SCIMP: variants seen among roughly 807,000 people sequenced by gnomAD.
SCIMP encodes the protein SLP adapter and CSK-interacting membrane protein.
In SCIMP, 18 loss-of-function variants were observed where a neutral mutation model predicts 22.0. That is an observed-to-expected ratio of 0.82 (90% CI 0.56 to 1.21). The LOEUF is 1.21. Among genes scored for constraint, SCIMP ranks in the 50% most tolerant of loss-of-function variants. SCIMP has a pLI of 0.00. For synonymous variants in SCIMP, 53 were observed against 62.2 expected, an observed-to-expected ratio of 0.85 and a Z score of 0.70; for missense variants, 155 against 171.2, an observed-to-expected ratio of 0.91 and a Z score of 0.53.
chr17:5,210,795 G>C lies in SCIMP; in HGVS notation c.*6C>G, dbSNP rs781018296. 2 of 1,602,948 alleles carry C rather than the reference G, an allele frequency of 1.2e-6. No individual in the cohort carries two copies. The highest frequency in any genetic ancestry group is 8.5e-7 in the Non-Finnish European group (1 of 1,177,328). On this transcript the variant is annotated 3_prime_UTR_variant, in exon 5 of 5. Transcript: ENST00000574081. ...TCAGTTTTGCCAAAAAGAAGAAATGGCTGTTTCAAAATGATGCTTTTTCAG... is the reference window on the plus strand; with the variant it reads ...TCAGTTTTGCCAAAAAGAAGAAATGCCTGTTTCAAAATGATGCTTTTTCAG...
rs995821204 is a variant in SCIMP at position 5,232,620 on chromosome 17, C to T, written c.21+2115G>A. Among the ~76,000 whole-genome samples the T allele has an allele frequency of 2.6e-5, 4 of 152,124 alleles. No individual in the cohort carries two copies. The East Asian group carries it at 7.7e-4, about 29-fold the overall frequency. On this transcript the variant is annotated intron_variant, in intron 1 of 4. Transcript: ENST00000574081. ...GAGAGGCTGTAGAGAACATTTAGGC[C>T]GGTTGGCATGAGCAGTTCTTGCCCC... is the stretch of plus-strand genomic sequence containing the variant.
chr17:5,228,779 A>G (rs1264235473), intron 1 of SCIMP, among the ~76,000 whole-genome samples: 4 of 152,318 alleles, frequency 2.6e-5, no homozygotes, highest in South Asian at 2.1e-4. Flanking sequence ...GGCAAGCAGC[A>G]TAAGAGCAGA....
At position 5,214,944 on chromosome 17, in the gene SCIMP, C is replaced by G; in HGVS notation, c.264G>C (p.Trp88Cys). The G allele has an allele frequency of 6.2e-7, 1 of 1,605,892 alleles. No individual in the cohort carries two copies. The highest frequency in any genetic ancestry group is 8.5e-7 in the Non-Finnish European group (1 of 1,173,028). The change falls in exon 4 of 5, where the codon TGG (tryptophan) becomes TGC (cysteine). Residue 88 changes from tryptophan (W) to cysteine (C), a missense_variant. Trp to Cys is a radical substitution (Grantham distance 215, BLOSUM62 -2). Transcript: ENST00000574081. ...VQLPPLPPRN[W>C]PSLEDSSPQE... is the part of the protein sequence containing the mutation. ...ACTTACAAGAGTCTTCTAGAGAAGG[C>G]CAATTCCTCGGTGGCAGAGGCGGTA...
At chr17:5,217,906 A>G (rs2074577478) in intron 3 of SCIMP, among the ~76,000 whole-genome samples, 1 of 152,104 alleles carries the variant, frequency 6.6e-6, no homozygotes, top group South Asian at 2.1e-4. Context: ...AGCATGATTT[A>G]TAGTCCTTTG....
chr17:5,221,057 C>CAA (rs137985713), intron 3 of SCIMP: 7,479 of 522,284 alleles, frequency 0.014, 31 homozygotes, highest in African/African-American at 0.034. Context: ...GACTCCATCT[C>CAA]AAAAAAAAAA....
intron 3 of SCIMP, among the ~76,000 whole-genome samples, chr17:5,217,244 G>C (rs1165622237): frequency 6.6e-6 from 1 of 152,116 alleles, no homozygotes; most frequent in Admixed American, 6.6e-5. Context: ...GGGTCTACTC[G>C]GTGGGGGAGA....
chr17:5,223,248 T>G (rs1422128660), intron 2 of SCIMP, 85 bp downstream of exon 2: 1 of 1,446,000 alleles, frequency 6.9e-7, no homozygotes, highest in Non-Finnish European at 9.6e-7. Context: ...AGGCCCAGGA[T>G]TGATTTGCTT....
Position 5,223,475 on chromosome 17 carries a change from G to A in SCIMP, c.22-19C>T. 6.2e-7 allele frequency: 1 copy of A among 1,612,616 alleles called. No individual in the cohort carries two copies. On this transcript the variant is annotated intron_variant, in intron 1 of 4. Transcript: ENST00000574081. ...TGGAATCCTGAGAAGAATGGAGAGA[G>A]AAGAATGAGGTATGAATGAAAGATA...
chr17:5,233,173 G>A (rs547839157), intron 1 of SCIMP, among the ~76,000 whole-genome samples: 8 of 152,154 alleles, frequency 5.3e-5, no homozygotes, highest in South Asian at 2.1e-4. Context: ...GGAAAAGACC[G>A]GAAACCTTGC....
At chr17:5,217,704 T>C (rs1053046920) in intron 3 of SCIMP, among the ~76,000 whole-genome samples, 83 of 151,990 alleles carry the variant, frequency 5.5e-4, no homozygotes, top group Non-Finnish European at 1.1e-3. Flanking sequence ...AGAATGATGG[T>C]TTCCAGTTTC....
At chr17:5,223,204 A>G in intron 2 of SCIMP, 129 bp downstream of exon 2, 1 of 949,602 alleles carries the variant, frequency 1.1e-6, no homozygotes, top group Non-Finnish European at 1.6e-6. Flanking sequence ...CAAACCCAGA[A>G]TGCAAGATGC....
intron 3 of SCIMP, among the ~76,000 whole-genome samples, chr17:5,220,019 A>G (rs555412436): frequency 5.9e-5 from 9 of 152,202 alleles, no homozygotes; most frequent in South Asian, 4.1e-4. Flanking sequence ...TTCTTTCGCC[A>G]TAATGTACTG....
chr17:5,221,049 C>T (rs1397335649), intron 3 of SCIMP: 1 of 616,928 alleles, frequency 1.6e-6, no homozygotes, highest in African/African-American at 1.9e-5. Context: ...CAGAGCAAGA[C>T]TCCATCTCAA....
chr17:5,227,323 A>T lies in SCIMP; in HGVS notation c.22-3867T>A, dbSNP rs576965302. Among the ~76,000 whole-genome samples, 34 of 148,668 alleles carry T rather than the reference A, an allele frequency of 2.3e-4. No individual in the cohort carries two copies. In the East Asian group the frequency reaches 4.1e-3, roughly 18 times the overall value. ...CACACACACACACACACACACACAC[A>T]CTCTTACACTTAGCCAGGTGTGGCG... On this transcript the variant is annotated intron_variant, in intron 1 of 4. Coordinates refer to ENST00000574081, the MANE Select transcript of SCIMP (RefSeq NM_207103.3).
rs2074520234 is a variant in SCIMP, at chr17:5,210,746, T to C, written c.*55A>G. 3.8e-6 allele frequency: 6 copies of C among 1,566,468 alleles called. No individual in the cohort carries two copies. In the East Asian group the frequency reaches 1.3e-4, roughly 35 times the overall value. ...GAAGTTCAACCATTCTTGATTGTTT[T>C]AAAATAAGTTGTGTGAACCCTCTTC... is the stretch of plus-strand genomic sequence containing the variant. On this transcript the variant is annotated 3_prime_UTR_variant, in exon 5 of 5. Transcript: ENST00000574081.
chr17:5,227,683 G>A (rs74938702), intron 1 of SCIMP, among the ~76,000 whole-genome samples: 1,956 of 152,254 alleles, frequency 0.013, 38 homozygotes, highest in African/African-American at 0.044. Flanking sequence ...GGAGGGGTCC[G>A]GCTTGAGCAG....
At chr17:5,226,711 G>T (rs1042990421) in intron 1 of SCIMP, among the ~76,000 whole-genome samples, 3 of 151,900 alleles carry the variant, frequency 2.0e-5, no homozygotes, top group Non-Finnish European at 4.4e-5. Flanking sequence ...GTTTCACCAT[G>T]TTGGCCAGGC....
intron 1 of SCIMP, among the ~76,000 whole-genome samples, chr17:5,233,618 A>C (rs1231235312): frequency 6.6e-6 from 1 of 151,746 alleles, no homozygotes; most frequent in African/African-American, 2.4e-5. Context: ...TGATCTGCCC[A>C]CCTTGGCCTC....
intron 3 of SCIMP, chr17:5,220,923 T>C: frequency 2.8e-6 from 1 of 355,880 alleles, no homozygotes; most frequent in South Asian, 2.2e-5. Context: ...GCAGGCATGA[T>C]GGTGGGTGCC....
Sources: gnomAD v4.1 joint callset for allele counts (sites outside exome capture counted in the v4.1 genomes callset) on GRCh38, gnomAD v4.1.1 for gene constraint, MANE v1.5 for transcripts, NCBI Gene and HGNC (gene_info 2026-07-23, HGNC 2026-07-21) for gene names.